Variants in MYO16 observed in about 807,000 individuals in gnomAD.
MYO16 encodes the protein myosin XVI.
Under a neutral mutation model 205.3 loss-of-function variants are expected in MYO16, and 94 were observed. The observed-to-expected ratio is 0.46, with a 90% confidence interval of 0.39 to 0.54. The LOEUF is 0.54. MYO16 is among the 20% of genes least tolerant of loss of function. MYO16 has a pLI of 0.00. For missense variants in MYO16, 2,315 were observed against 2,387.5 expected (o/e 0.97, Z 0.63); for synonymous variants, 988 against 954.0 (o/e 1.04, Z -0.66).
Position 109,127,639 on chromosome 13 carries a change from C to A in MYO16, c.4051+89C>A. ...GGGCGCCCATGGCAGTACTGTCGCC[C>A]TAATGTATTCTTAATAGAAATAAAT... On this transcript the variant is annotated intron_variant, in intron 31 of 34. Coordinates refer to ENST00000457511, the MANE Select transcript of MYO16 (RefSeq NM_001198950.3). This position sits in a 1 kb window ranked among gnomAD's most constrained non-coding sequence, Gnocchi z 4.2. 1 of 1,301,474 alleles carries A rather than the reference C, an allele frequency of 7.7e-7. No homozygotes were observed. Among genetic ancestry groups the A allele is most frequent in the South Asian group, 1.3e-5 (1 of 76,830 alleles). The allele number at this position is 1,301,474 out of a possible 1,614,324, so 80.6% of individuals were successfully genotyped here.
intron 5 of MYO16, among the ~76,000 whole-genome samples, chr13:108,789,683 T>C (rs1263042377): frequency 6.6e-6 from 1 of 152,154 alleles, no homozygotes; most frequent in African/African-American, 2.4e-5. Flanking sequence ...CTCTTTTACT[T>C]CTGTGCATCT....
chr13:108,824,291 A>G (rs540728692), intron 9 of MYO16, among the ~76,000 whole-genome samples: 15 of 152,260 alleles, frequency 9.9e-5, no homozygotes, highest in African/African-American at 3.4e-4. Flanking sequence ...AAAAGATGTA[A>G]GACAAACATG....
rs536251486 is a variant in MYO16, at chr13:109,012,561, A to G, written c.2595+3512A>G. 3.3e-4 allele frequency among the ~76,000 whole-genome samples: 51 copies of G among 152,256 alleles called. No homozygotes were observed. In the Middle Eastern group the frequency reaches 0.017, roughly 51 times the overall value. On this transcript the variant is annotated intron_variant, in intron 22 of 34. Transcript: ENST00000457511. The stretch of plus-strand genomic sequence containing the variant: ...GGCACAATAAATGTAATGCACTTGA[A>G]TCATCCTGAAACCATCCCCCCCACC...
Position 109,055,549 on chromosome 13 carries a change from C to G in MYO16, c.3289C>G (p.Arg1097Gly), listed in dbSNP as rs1172858811. The G allele has an allele frequency of 6.2e-7, 1 of 1,612,684 alleles. No individual in the cohort carries two copies. Among genetic ancestry groups the G allele is most frequent in the Non-Finnish European group, 8.5e-7 (1 of 1,179,394 alleles). ...GGTCCTGGAGATGGTGAAGATCTTC[C>G]GATATGGATACCCTGTTCGCCTTTC... ...IGVLEMVKIF[R>G]YGYPVRLSFS... The change falls in exon 27 of 35, where the codon CGA becomes GGA. Residue 1097 changes from arginine to glycine, a missense_variant. Around this residue, in one of 3 missense-constraint regions of MYO16, gnomAD observed 1,097 missense variants for 1,092.0 expected, o/e 1.00. Coordinates refer to ENST00000457511, the MANE Select transcript of MYO16 (RefSeq NM_001198950.3). The surrounding 1 kb of genome is among the most constrained non-coding windows in gnomAD (Gnocchi z 5.0).
intron 16 of MYO16, among the ~76,000 whole-genome samples, chr13:108,928,774 AG>A (rs1381849316): frequency 6.6e-6 from 1 of 152,218 alleles, no homozygotes; most frequent in Non-Finnish European, 1.5e-5. Flanking sequence ...TAATGAGCAA[AG>A]ATATGACAGG....
At chr13:108,756,961 A>T (rs1043210919) in intron 4 of MYO16, among the ~76,000 whole-genome samples, 1 of 152,222 alleles carries the variant, frequency 6.6e-6, no homozygotes, top group Non-Finnish European at 1.5e-5. Context: ...TGCTGTACTA[A>T]AATTTATTCA....
the MYO16 span, among the ~76,000 whole-genome samples, chr13:108,532,775 A>G: frequency 1.3e-5 from 2 of 152,088 alleles, no homozygotes; most frequent in Non-Finnish European, 2.9e-5. Flanking sequence ...TGGATGATAG[A>G]GCAAGGCCCT....
chr13:108,657,992 C>T (rs1881321409), intron 1 of MYO16, among the ~76,000 whole-genome samples: 1 of 152,206 alleles, frequency 6.6e-6, no homozygotes, highest in South Asian at 2.1e-4. Context: ...AATATGTATG[C>T]ACGTAGGCTA....
intron 32 of MYO16, among the ~76,000 whole-genome samples, chr13:109,154,936 A>T (rs1420311612): frequency 7.2e-6 from 1 of 139,162 alleles, no homozygotes; most frequent in East Asian, 2.1e-4. Flanking sequence ...AAAAAAAAAA[A>T]AGCTACCCAA....
At chr13:109,010,615 G>C (rs373777513) in intron 22 of MYO16, among the ~76,000 whole-genome samples, 2 of 152,114 alleles carry the variant, frequency 1.3e-5, no homozygotes, top group East Asian at 3.9e-4. Flanking sequence ...CCCCAGAGAA[G>C]AGGTCTGTCA....
At chr13:108,524,314 ATAAAT>A in the MYO16 span, among the ~76,000 whole-genome samples, 92 of 77,796 alleles carry the variant, frequency 1.2e-3, 2 homozygotes, top group African/African-American at 3.9e-3. Context: ...CCAAAAAAAA[ATAAAT>A]AAATAAATAA....
intron 4 of MYO16, among the ~76,000 whole-genome samples, chr13:108,783,816 T>C (rs1340701938): frequency 6.6e-6 from 1 of 152,182 alleles, no homozygotes; most frequent in Non-Finnish European, 1.5e-5. Context: ...AAGAAGTGCC[T>C]TTCGCCTCCT....
chr13:108,891,220 C>T (rs1248731176), intron 14 of MYO16, among the ~76,000 whole-genome samples: 4 of 152,118 alleles, frequency 2.6e-5, no homozygotes, highest in African/African-American at 9.7e-5. Flanking sequence ...GTACATTTGG[C>T]CTGTGTGTGT....
Position 109,141,006 on chromosome 13 carries a change from C to G in MYO16, c.4794C>G (p.Pro1598=). Reference sequence around the variant, plus strand: ...CCCCGCCGTCCACGCCGCCCCCGCCCCCGCCCCCGCCCGGGCCGCCCCCCG... The same window carrying G: ...CCCCGCCGTCCACGCCGCCCCCGCCGCCGCCCCCGCCCGGGCCGCCCCCCG... The part of the protein sequence containing the change: ...RASPPSTPPP[P]PPPPGPPPAP... The change falls in exon 32 of 35, where the codon CCC becomes CCG. Residue 1598 remains proline, a synonymous_variant. Transcript: ENST00000457511. The surrounding 1 kb of genome is among the most constrained non-coding windows in gnomAD (Gnocchi z 4.1). The G allele has an allele frequency of 7.6e-7, 1 of 1,321,672 alleles. No individual in the cohort carries two copies. The allele number at this position is 1,321,672 out of a possible 1,614,324, so 81.9% of individuals were successfully genotyped here. A position where few individuals can be genotyped will look rare whatever the true frequency, so the allele number is the denominator to read the frequency against.
At chr13:108,894,258 C>T (rs949495709) in intron 14 of MYO16, among the ~76,000 whole-genome samples, 4 of 152,072 alleles carry the variant, frequency 2.6e-5, no homozygotes, top group Admixed American at 6.6e-5. Flanking sequence ...GATTACAATT[C>T]GACTCGAGAT....
chr13:108,676,805 T>C (rs1406862873), intron 2 of MYO16, among the ~76,000 whole-genome samples: 2 of 152,176 alleles, frequency 1.3e-5, no homozygotes, highest in African/African-American at 2.4e-5. Context: ...ATGTACTTGC[T>C]TTCTGCTGTG....
intron 16 of MYO16, among the ~76,000 whole-genome samples, chr13:108,952,556 C>T (rs1266065770): frequency 6.6e-6 from 1 of 152,188 alleles, no homozygotes; most frequent in Non-Finnish European, 1.5e-5. Context: ...TACTAGTTCC[C>T]ATCGCCTTTC....
At chr13:108,525,981 G>A in the MYO16 span, among the ~76,000 whole-genome samples, 1 of 149,146 alleles carries the variant, frequency 6.7e-6, no homozygotes, top group Non-Finnish European at 1.5e-5. Flanking sequence ...GAGGAGAGAT[G>A]AGAAAGACAC....
chr13:108,571,982 G>T, the MYO16 span, among the ~76,000 whole-genome samples: 1 of 151,004 alleles, frequency 6.6e-6, no homozygotes, highest in African/African-American at 2.4e-5. Flanking sequence ...GTTCAGAGGT[G>T]CAGTCACCCT....
Sources: allele counts gnomAD v4.1 joint callset (sites outside exome capture counted in the v4.1 genomes callset), GRCh38; gene constraint gnomAD v4.1.1; regional missense constraint gnomAD v4.1.1; non-coding constraint Gnocchi (gnomAD v3.1); transcripts MANE v1.5; gene names NCBI Gene and HGNC (gene_info 2026-07-23, HGNC 2026-07-21).